AGPS: variants seen among roughly 807,000 people sequenced by gnomAD.
AGPS encodes the protein alkyldihydroxyacetonephosphate synthase, peroxisomal.
A neutral mutation model predicts 90.7 loss-of-function variants in AGPS; 26 were observed. That is an observed-to-expected ratio of 0.29 (90% confidence interval 0.21 to 0.40). The LOEUF (loss-of-function observed/expected upper bound fraction) is 0.40. AGPS is among the 10% of genes least tolerant of loss of function. The probability of loss-of-function intolerance (pLI) is 1.00; values close to 1 mark genes in which losing one functional copy is unlikely to be tolerated. For synonymous variants in AGPS, 294 were observed against 285.3 expected (o/e 1.03, Z -0.31); for missense variants, 540 against 816.1 (o/e 0.66, Z 4.12).
chr2:177,463,745 C>T (rs939571403), intron 9 of AGPS, among the ~76,000 whole-genome samples: 4 of 151,948 alleles, frequency 2.6e-5, no homozygotes, highest in Non-Finnish European at 5.9e-5. Context: ...AAAATTTGAT[C>T]CTTTTGCTAT....
chr2:177,446,817 C>T (rs533390010), intron 8 of AGPS, among the ~76,000 whole-genome samples: 2 of 152,034 alleles, frequency 1.3e-5, no homozygotes, highest in African/African-American at 4.8e-5. Flanking sequence ...ATTTCATCAG[C>T]TGGGTGAATA....
At chr2:177,418,237 A>G (rs192144515) in intron 1 of AGPS, among the ~76,000 whole-genome samples, 81 of 152,032 alleles carry the variant, frequency 5.3e-4, no homozygotes, top group Middle Eastern at 3.4e-3. Context: ...AAGGCCAAAG[A>G]CTCTTCAGGA....
intron 2 of AGPS, among the ~76,000 whole-genome samples, chr2:177,430,396 G>A (rs957625374): frequency 6.6e-6 from 1 of 152,198 alleles, no homozygotes; most frequent in South Asian, 2.1e-4. Context: ...TCCTAGGGTG[G>A]AGTCTGTAAA....
intron 2 of AGPS, among the ~76,000 whole-genome samples, chr2:177,433,517 G>A (rs1242592760): frequency 6.6e-6 from 1 of 151,980 alleles, no homozygotes; most frequent in Non-Finnish European, 1.5e-5. Flanking sequence ...CAGTATCTTG[G>A]GTCATTTTGG....
chr2:177,470,043 G>A (rs1369129644), intron 10 of AGPS, among the ~76,000 whole-genome samples: 1 of 152,198 alleles, frequency 6.6e-6, no homozygotes, highest in African/African-American at 2.4e-5. Context: ...AGTGGTCTTT[G>A]AGGTTGATAA....
chr2:177,531,178 T>C (rs1021360498), intron 19 of AGPS, among the ~76,000 whole-genome samples: 2 of 152,126 alleles, frequency 1.3e-5, no homozygotes, highest in Admixed American at 6.6e-5. Context: ...ATTTGTTAAT[T>C]TGTAGTGTGA....
chr2:177,475,682 A>G (rs1419452821), intron 10 of AGPS, among the ~76,000 whole-genome samples: 2 of 152,182 alleles, frequency 1.3e-5, no homozygotes, highest in African/African-American at 4.8e-5. Flanking sequence ...TGCATATTCT[A>G]CATTTTGTTA....
intron 1 of AGPS, among the ~76,000 whole-genome samples, chr2:177,412,511 G>A (rs1288697388): frequency 6.6e-6 from 1 of 152,144 alleles, no homozygotes; most frequent in African/African-American, 2.4e-5. Flanking sequence ...TGAGTCTTAA[G>A]TCTGGCAGCC....
intron 19 of AGPS, among the ~76,000 whole-genome samples, chr2:177,534,648 C>T (rs1370425921): frequency 6.7e-6 from 1 of 149,692 alleles, no homozygotes; most frequent in Non-Finnish European, 1.5e-5. Flanking sequence ...AATGCAGTGG[C>T]ATGATCTGGA....
intron 17 of AGPS, among the ~76,000 whole-genome samples, chr2:177,515,672 G>A (rs1689004216): frequency 6.6e-6 from 1 of 152,148 alleles, no homozygotes; most frequent in African/African-American, 2.4e-5. Flanking sequence ...TCTTCATTCT[G>A]TATTGTAGAT....
At chr2:177,453,589 CACTTA>C (rs1041863414) in intron 8 of AGPS, among the ~76,000 whole-genome samples, 33 of 151,516 alleles carry the variant, frequency 2.2e-4, no homozygotes, top group African/African-American at 7.5e-4. Context: ...GACTTTACGA[CACTTA>C]ACTTAAATAC....
At chr2:177,468,606 A>T in intron 10 of AGPS, 82 bp downstream of exon 10, 2 of 980,312 alleles carry the variant, frequency 2.0e-6, no homozygotes, top group Non-Finnish European at 3.2e-6. Context: ...GTGACATCAG[A>T]TCTTTGAAAG....
chr2:177,445,510 T>C, intron 7 of AGPS, 36 bp from the exon 8 acceptor site: 1 of 1,513,216 alleles, frequency 6.6e-7, no homozygotes, highest in Non-Finnish European at 9.2e-7. Context: ...TATTAGTAGT[T>C]CCTGGAGATC....
intron 1 of AGPS, among the ~76,000 whole-genome samples, chr2:177,399,783 A>G (rs1414619363): frequency 1.3e-5 from 2 of 152,252 alleles, no homozygotes; most frequent in African/African-American, 4.8e-5. Context: ...CCACCAGGAT[A>G]ACCACTACCT....
chr2:177,456,584 C>T (rs968603307), intron 8 of AGPS, among the ~76,000 whole-genome samples: 2 of 152,156 alleles, frequency 1.3e-5, no homozygotes, highest in Non-Finnish European at 2.9e-5. Flanking sequence ...AGAGCTCATT[C>T]AGCATGGGGA....
chr2:177,437,268 C>A (rs1381339451), intron 5 of AGPS, among the ~76,000 whole-genome samples: 1 of 151,858 alleles, frequency 6.6e-6, no homozygotes, highest in South Asian at 2.1e-4. Context: ...ATAATTAAAT[C>A]ATCATTTTAA....
At chr2:177,491,210 C>T (rs377418672) in intron 11 of AGPS, among the ~76,000 whole-genome samples, 6 of 151,766 alleles carry the variant, frequency 4.0e-5, no homozygotes, top group East Asian at 1.9e-4. Flanking sequence ...CTCCTAAAGA[C>T]GGAATAGTGT....
At chr2:177,438,079 C>T (rs979664504) in intron 5 of AGPS, among the ~76,000 whole-genome samples, 2 of 152,166 alleles carry the variant, frequency 1.3e-5, no homozygotes, top group African/African-American at 4.8e-5. Flanking sequence ...TTTTTAGTAG[C>T]TTTAGGTTAC....
intron 1 of AGPS, among the ~76,000 whole-genome samples, chr2:177,415,565 A>AT (rs1685762244): frequency 6.6e-6 from 1 of 152,230 alleles, no homozygotes; most frequent in Non-Finnish European, 1.5e-5. Context: ...GAAACTTACA[A>AT]TGGGGATATT....
Sources: allele counts gnomAD v4.1 joint callset (sites outside exome capture counted in the v4.1 genomes callset), GRCh38; gene constraint gnomAD v4.1.1; transcripts MANE v1.5; gene names NCBI Gene and HGNC (gene_info 2026-07-23, HGNC 2026-07-21).